Variants in MYO5A observed in about 807,000 individuals in gnomAD.
MYO5A encodes the protein myosin VA.
MYO5A carries 98 observed loss-of-function variants against 249.7 expected under a neutral mutation model. The ratio of observed to expected loss-of-function variants is 0.39; its 90% CI spans 0.33 to 0.46. The LOEUF (loss-of-function observed/expected upper bound fraction) is 0.46, where lower values mean the gene tolerates loss of function less well. Ranked by LOEUF, MYO5A falls within the 20% of genes least tolerant of loss-of-function variation. The pLI, the probability that MYO5A is intolerant of heterozygous loss-of-function variation, is 0.98. For synonymous variants in MYO5A, 778 were observed against 810.6 expected, an observed-to-expected ratio of 0.96 and a Z score of 0.68; for missense variants, 1,696 against 2,308.8, an observed-to-expected ratio of 0.73 and a Z score of 5.44.
At chr15:52,412,298 C>T (rs904052158) in intron 5 of MYO5A, among the ~76,000 whole-genome samples, 3 of 152,206 alleles carry the variant, frequency 2.0e-5, no homozygotes, top group Non-Finnish European at 2.9e-5. Context: ...TCAGACTGGG[C>T]GTCAGAGTGG....
At chr15:52,485,048 T>C (rs16964993) in intron 1 of MYO5A, among the ~76,000 whole-genome samples, 5,091 of 152,186 alleles carry the variant, frequency 0.033, 301 homozygotes, top group African/African-American at 0.12. Flanking sequence ...AAGTAAACTG[T>C]CTGTTCTTTT....
intron 7 of MYO5A, among the ~76,000 whole-genome samples, chr15:52,407,651 T>C (rs2043066956): frequency 6.6e-6 from 1 of 151,896 alleles, no homozygotes; most frequent in African/African-American, 2.4e-5. Flanking sequence ...CTAAAGGTTT[T>C]ATTCCAATCT....
At chr15:52,453,102 C>G (rs961191351) in intron 1 of MYO5A, among the ~76,000 whole-genome samples, 7 of 151,860 alleles carry the variant, frequency 4.6e-5, no homozygotes, top group Non-Finnish European at 8.8e-5. Context: ...ACATTTGACC[C>G]AAATGAGGCT....
At position 52,311,823 on chromosome 15, in the gene MYO5A, A is replaced by C. The variant is rs529306836; in HGVS notation, c.*1873T>G. 2.6e-5 allele frequency: 4 copies of C among 152,772 alleles called. No homozygotes were observed. In the East Asian group the frequency reaches 7.7e-4, roughly 29 times the overall value. 9.5% of individuals were successfully genotyped at this position (152,772 alleles called of 1,614,324 possible). ...CAGTGTCCAACTCTCTTATTTTATA[A>C]ACGAGGAACTTGAGGCCCATGTAAA... On this transcript the variant is annotated 3_prime_UTR_variant, in exon 42 of 42. Transcript: ENST00000399233.
chr15:52,376,981 C>G (rs1008026362), intron 18 of MYO5A, among the ~76,000 whole-genome samples: 1 of 152,102 alleles, frequency 6.6e-6, no homozygotes, highest in Non-Finnish European at 1.5e-5. Flanking sequence ...AAGAATAAGG[C>G]AGGAAGAAAC....
intron 7 of MYO5A, 92 bp downstream of exon 7, chr15:52,407,967 T>G (rs968758038): frequency 3.1e-5 from 27 of 869,524 alleles, no homozygotes; most frequent in Non-Finnish European, 4.8e-5. Flanking sequence ...TATTCCAACA[T>G]GAGATAAGCT....
At chr15:52,509,642 C>A (rs2077349847) in intron 1 of MYO5A, among the ~76,000 whole-genome samples, 1 of 152,174 alleles carries the variant, frequency 6.6e-6, no homozygotes, top group Admixed American at 6.5e-5. Context: ...AATATGACAG[C>A]TGTAAATAAG....
At position 52,459,146 on chromosome 15, in the gene MYO5A, A is replaced by ATTTTT. The variant is rs199923318; in HGVS notation, c.28-25862_28-25861insAAAAA. ...TCCTGAGTAGCTGGGATTTTCCAGA[A>ATTTTT]ATTTTTTTTTTTTTTTTTTTTTTTT... is the stretch of plus-strand genomic sequence containing the variant. On this transcript the variant is annotated intron_variant, in intron 1 of 41. Coordinates refer to ENST00000399233, the MANE Select transcript of MYO5A (RefSeq NM_001382347.1). Among the ~76,000 whole-genome samples the ATTTTT allele has an allele frequency of 2.4e-3, 118 of 49,076 alleles. 5 individuals carry two copies. The highest frequency in any genetic ancestry group is 3.8e-3 in the Non-Finnish European group (83 of 21,900). 32.2% of individuals were successfully genotyped at this position (49,076 alleles called of 152,430 possible).
intron 1 of MYO5A, chr15:52,435,781 G>C (rs938440045): frequency 5.1e-6 from 2 of 393,888 alleles, no homozygotes; most frequent in Non-Finnish European, 9.9e-6. Context: ...AGCACTTACA[G>C]ACAAGTAGAG....
At chr15:52,319,015 C>A in intron 39 of MYO5A, 45 bp downstream of exon 39, 1 of 1,608,542 alleles carries the variant, frequency 6.2e-7, no homozygotes. Context: ...GGCAGGCCAG[C>A]TGGGCAGCAA....
At chr15:52,356,823 T>TTTTTTTTTTTC (rs1555432798) in intron 25 of MYO5A, among the ~76,000 whole-genome samples, 1 of 127,786 alleles carries the variant, frequency 7.8e-6, no homozygotes, top group African/African-American at 4.3e-5. Context: ...TTTTTTATTT[T>TTTTTTTTTTTC]CAGGAATTGT....
intron 1 of MYO5A, among the ~76,000 whole-genome samples, chr15:52,483,273 C>T (rs1019589364): frequency 1.3e-5 from 2 of 152,194 alleles, no homozygotes; most frequent in South Asian, 4.1e-4. Flanking sequence ...AAGGCCCTTA[C>T]GAGTGAGCCA....
chr15:52,412,386 A>G (rs1213515499), intron 5 of MYO5A, among the ~76,000 whole-genome samples: 1 of 152,244 alleles, frequency 6.6e-6, no homozygotes, highest in Non-Finnish European at 1.5e-5. Flanking sequence ...TTTGTTTTCA[A>G]ATAAAATGTA....
intron 1 of MYO5A, 25 bp from the exon 2 acceptor site, chr15:52,433,310 T>G: frequency 7.5e-7 from 1 of 1,340,390 alleles, no homozygotes; most frequent in South Asian, 1.2e-5. Context: ...GAAAAAAATT[T>G]AAACTAGCAA....
At chr15:52,342,775 G>A (rs1321024732) in intron 31 of MYO5A, among the ~76,000 whole-genome samples, 1 of 151,976 alleles carries the variant, frequency 6.6e-6, no homozygotes, top group African/African-American at 2.4e-5. Context: ...AATTAGTCAG[G>A]CATGTTGGTG....
chr15:52,425,006 A>G (rs936610275), intron 4 of MYO5A, among the ~76,000 whole-genome samples: 1 of 152,192 alleles, frequency 6.6e-6, no homozygotes, highest in African/African-American at 2.4e-5. Context: ...TGCAGTACCA[A>G]CTACTCAGGA....
At chr15:52,527,962 C>A (rs973905705) in intron 1 of MYO5A, among the ~76,000 whole-genome samples, 4 of 152,194 alleles carry the variant, frequency 2.6e-5, no homozygotes, top group Non-Finnish European at 4.4e-5. Flanking sequence ...AAGGTCATCA[C>A]AAATCTGCGC....
chr15:52,331,739 A>C lies in MYO5A; in HGVS notation c.4409-1240T>G, dbSNP rs1276643811. On this transcript the variant is annotated intron_variant, in intron 34 of 41. Coordinates refer to ENST00000399233, the MANE Select transcript of MYO5A (RefSeq NM_001382347.1). Reference sequence around the variant, plus strand: ...CTTATGTGGCATGGAGCCTGGTGACACACCGTCCACCTCATGCTGCAGCAG... The same window carrying C: ...CTTATGTGGCATGGAGCCTGGTGACCCACCGTCCACCTCATGCTGCAGCAG... The C allele has an allele frequency of 5.1e-6, 5 of 985,402 alleles. No individual in the cohort carries two copies. In the South Asian group the frequency reaches 1.4e-4, roughly 28 times the overall value. 61.0% of individuals were successfully genotyped at this position (985,402 alleles called of 1,614,324 possible).
At chr15:52,386,334 C>CAAG (rs1178879469) in intron 14 of MYO5A, among the ~76,000 whole-genome samples, 1 of 151,484 alleles carries the variant, frequency 6.6e-6, no homozygotes, top group Non-Finnish European at 1.5e-5. Context: ...ACAACAACAA[C>CAAG]AACAGCAAGA....
Sources: allele counts gnomAD v4.1 joint callset (sites outside exome capture counted in the v4.1 genomes callset), GRCh38; gene constraint gnomAD v4.1.1; transcripts MANE v1.5; gene names NCBI Gene and HGNC (gene_info 2026-07-23, HGNC 2026-07-21).